Variants in GALNT17 observed in about 807,000 individuals in gnomAD.
GALNT17 encodes UDP-GalNAc:polypeptide N-acetylgalactosaminyltransferase-like 3.
In GALNT17, 29 loss-of-function variants were observed where a neutral mutation model predicts 63.7. That is an observed-to-expected ratio of 0.46 (90% CI 0.34 to 0.62). The LOEUF is 0.62. Among genes scored for constraint, GALNT17 ranks in the 20% least tolerant of loss-of-function variants. The probability of loss-of-function intolerance (pLI) is 0.01; values close to 1 mark genes in which losing one functional copy is unlikely to be tolerated. For synonymous variants in GALNT17, 305 were observed against 318.3 expected (o/e 0.96, Z 0.45); for missense variants, 603 against 799.6 (o/e 0.75, Z 2.97).
At chr7:71,692,160 G>A (rs112638967) in intron 9 of GALNT17, among the ~76,000 whole-genome samples, 6 of 152,166 alleles carry the variant, frequency 3.9e-5, no homozygotes, top group Middle Eastern at 3.4e-3. Context: ...CTGGCCTCCC[G>A]CAATCTTCCT....
intron 2 of GALNT17, among the ~76,000 whole-genome samples, chr7:71,348,549 A>G (rs1455086766): frequency 6.6e-6 from 1 of 152,172 alleles, no homozygotes; most frequent in Non-Finnish European, 1.5e-5. Context: ...GTTTATGCAA[A>G]TGGATCTGCT....
intron 2 of GALNT17, among the ~76,000 whole-genome samples, chr7:71,359,124 AC>A (rs1792349370): frequency 6.6e-6 from 1 of 152,254 alleles, no homozygotes; most frequent in Admixed American, 6.5e-5. Context: ...TGTTAGTGTC[AC>A]AAGTACAGTG....
At chr7:71,635,847 G>A (rs1015256030) in intron 6 of GALNT17, among the ~76,000 whole-genome samples, 3 of 152,160 alleles carry the variant, frequency 2.0e-5, no homozygotes, top group Non-Finnish European at 2.9e-5. Flanking sequence ...CTGTCATGGC[G>A]CTGGTGGGAG....
chr7:71,184,992 CTTCCTTCT>C (rs1392851115), intron 1 of GALNT17, among the ~76,000 whole-genome samples: 5 of 120,208 alleles, frequency 4.2e-5, no homozygotes, highest in Non-Finnish European at 8.2e-5. Context: ...TCCTTCCTTC[CTTCCTTCT>C]TCCTTCCCTC....
chr7:71,701,535 G>A (rs774540360), intron 9 of GALNT17, among the ~76,000 whole-genome samples: 1 of 151,448 alleles, frequency 6.6e-6, no homozygotes, highest in African/African-American at 2.4e-5. Flanking sequence ...ACTTGAAAGA[G>A]GTGAGAGAGT....
chr7:71,331,181 G>GCTCAGTTCCTC (rs1791801289), intron 1 of GALNT17, among the ~76,000 whole-genome samples: 1 of 152,092 alleles, frequency 6.6e-6, no homozygotes, highest in Non-Finnish European at 1.5e-5. Context: ...ACTCAGTTTT[G>GCTCAGTTCCTC]CTCAGTTCCT....
At chr7:71,589,693 TTTCATTA>T (rs1412205649) in intron 6 of GALNT17, among the ~76,000 whole-genome samples, 1 of 152,230 alleles carries the variant, frequency 6.6e-6, no homozygotes, top group East Asian at 1.9e-4. Flanking sequence ...TCTGTGCGTT[TTTCATTA>T]TTGAACCTAT....
At chr7:71,264,658 G>A (rs1790454404) in intron 1 of GALNT17, among the ~76,000 whole-genome samples, 1 of 152,122 alleles carries the variant, frequency 6.6e-6, no homozygotes, top group Non-Finnish European at 1.5e-5. Context: ...AAAAAAGAAT[G>A]AAATCGTGTC....
chr7:71,305,415 C>G (rs1164925652), intron 1 of GALNT17, among the ~76,000 whole-genome samples: 1 of 152,150 alleles, frequency 6.6e-6, no homozygotes, highest in Non-Finnish European at 1.5e-5. Context: ...TTCTTGTTTT[C>G]AACTAACCCA....
At chr7:71,515,499 G>C (rs553672833) in intron 5 of GALNT17, among the ~76,000 whole-genome samples, 1 of 152,284 alleles carries the variant, frequency 6.6e-6, no homozygotes, top group African/African-American at 2.4e-5. Flanking sequence ...GACTTCATCA[G>C]ACGCAGTGAT....
intron 2 of GALNT17, among the ~76,000 whole-genome samples, chr7:71,343,530 AT>A: frequency 6.6e-6 from 1 of 152,032 alleles, no homozygotes; most frequent in Non-Finnish European, 1.5e-5. Context: ...TTCCGTGACT[AT>A]TTTTTTTCTT....
At chr7:71,246,238 C>T (rs1279905825) in intron 1 of GALNT17, among the ~76,000 whole-genome samples, 2 of 147,582 alleles carry the variant, frequency 1.4e-5, no homozygotes, top group African/African-American at 5.0e-5. Flanking sequence ...TCTCCTGCAT[C>T]AGCCTCCTAA....
At chr7:71,172,129 C>T (rs1022967568) in intron 1 of GALNT17, among the ~76,000 whole-genome samples, 8 of 151,790 alleles carry the variant, frequency 5.3e-5, no homozygotes, top group African/African-American at 1.7e-4. Flanking sequence ...GAGAGGAGGG[C>T]GAAGAAGTGA....
At chr7:71,636,583 G>A (rs553574603) in intron 6 of GALNT17, among the ~76,000 whole-genome samples, 4 of 152,202 alleles carry the variant, frequency 2.6e-5, no homozygotes, top group Non-Finnish European at 5.9e-5. Flanking sequence ...GAAGTGGTTG[G>A]AGATCTGAGA....
At chr7:71,183,408 A>G (rs1788770691) in intron 1 of GALNT17, among the ~76,000 whole-genome samples, 1 of 151,970 alleles carries the variant, frequency 6.6e-6, no homozygotes, top group Admixed American at 6.6e-5. Flanking sequence ...ACTCCATTCA[A>G]AGGCTCCCAC....
chr7:71,237,836 G>A (rs1355601324), intron 1 of GALNT17, among the ~76,000 whole-genome samples: 2 of 152,026 alleles, frequency 1.3e-5, no homozygotes, highest in Admixed American at 6.6e-5. Context: ...GCCTCTTAAT[G>A]CCTCAGTTTA....
At chr7:71,346,564 G>A (rs1388775893) in intron 2 of GALNT17, among the ~76,000 whole-genome samples, 1 of 152,120 alleles carries the variant, frequency 6.6e-6, no homozygotes, top group African/African-American at 2.4e-5. Context: ...AGTAAGTGCA[G>A]GGACCTGGAT....
intron 9 of GALNT17, among the ~76,000 whole-genome samples, chr7:71,707,426 C>T (rs575027258): frequency 2.0e-5 from 3 of 152,300 alleles, no homozygotes; most frequent in African/African-American, 7.2e-5. Context: ...GCAGCAGAGG[C>T]GAGGCTACTA....
chr7:71,553,994 G>T (rs935039156), intron 5 of GALNT17, among the ~76,000 whole-genome samples: 18 of 152,226 alleles, frequency 1.2e-4, no homozygotes, highest in African/African-American at 4.3e-4. Context: ...TCTGGCTTCT[G>T]TTGACACCTC....
Sources: gnomAD v4.1 joint callset for allele counts (sites outside exome capture counted in the v4.1 genomes callset) on GRCh38, gnomAD v4.1.1 for gene constraint, MANE v1.5 for transcripts, NCBI Gene and HGNC (gene_info 2026-07-23, HGNC 2026-07-21) for gene names.